EPS8L2: variants seen among roughly 807,000 people sequenced by gnomAD.
EPS8L2 encodes the protein epidermal growth factor receptor kinase substrate 8-like protein 2.
Under a neutral mutation model 99.4 loss-of-function variants are expected in EPS8L2, and 81 were observed. That is an observed-to-expected ratio of 0.82 (90% CI 0.68 to 0.98). The LOEUF (loss-of-function observed/expected upper bound fraction) is 0.98. Ranked by LOEUF, EPS8L2 falls within the 50% of genes least tolerant of loss-of-function variation. EPS8L2 has a pLI of 0.00. For missense variants in EPS8L2, 1,155 were observed against 968.8 expected, an observed-to-expected ratio of 1.19 and a Z score of -2.55; for synonymous variants, 509 against 407.3, an observed-to-expected ratio of 1.25 and a Z score of -3.01.
chr11:708,741 C>G (rs1861799256), intron 1 of EPS8L2: 1 of 152,510 alleles, frequency 6.6e-6, no homozygotes, highest in Non-Finnish European at 1.5e-5. Flanking sequence ...CAAGGGCCAG[C>G]CTCTTTGCTG....
intron 4 of EPS8L2, 124 bp from the exon 5 acceptor site, chr11:719,938 C>T (rs1351227637): frequency 1.1e-6 from 1 of 886,898 alleles, no homozygotes; most frequent in Non-Finnish European, 1.7e-6. Flanking sequence ...GGGGCCGGTC[C>T]CCGTTCTAGC....
In EPS8L2 at chr11:710,510, C is replaced by G. The variant is rs941483903; in HGVS notation, c.165+24C>G. 53 of 1,608,360 alleles carry G rather than the reference C, an allele frequency of 3.3e-5. 1 individual carries two copies. The highest frequency in any genetic ancestry group is 4.2e-5 in the Non-Finnish European group (49 of 1,175,282). On this transcript the variant is annotated intron_variant, in intron 4 of 20. Transcript: ENST00000318562. Reference sequence around the variant, plus strand: ...AGGTAAGGCCCCGCCCCCAGGTAGGCTCCGCCCCCAGGGAGCACCCTCAGG... The same window carrying G: ...AGGTAAGGCCCCGCCCCCAGGTAGGGTCCGCCCCCAGGGAGCACCCTCAGG...
At chr11:715,769 C>G (rs1862008449) in intron 4 of EPS8L2, among the ~76,000 whole-genome samples, 1 of 150,420 alleles carries the variant, frequency 6.6e-6, no homozygotes, top group African/African-American at 2.4e-5. Context: ...TACAGGTGCC[C>G]ACCACCACGC....
In EPS8L2 at chr11:715,208, C is replaced by G. The variant is rs58070301; in HGVS notation, c.165+4722C>G. 2.7e-3 allele frequency among the ~76,000 whole-genome samples: 402 copies of G among 151,518 alleles called. 4 individuals are homozygous for G. The highest frequency in any genetic ancestry group is 9.1e-3 in the African/African-American group (373 of 41,108). ...AGTAAGCTGAGATTGCGCCACTGCA[C>G]TCCAGCCTGGGAGACAGAGTGAGAC... On this transcript the variant is annotated intron_variant, in intron 4 of 20. Transcript: ENST00000318562.
At chr11:707,332 C>T (rs1861752624) in intron 1 of EPS8L2, among the ~76,000 whole-genome samples, 2 of 152,204 alleles carry the variant, frequency 1.3e-5, no homozygotes, top group African/African-American at 4.8e-5. Flanking sequence ...CCTCCCCATT[C>T]CAGGGCCCCA....
rs751196772 is a variant in EPS8L2 at position 722,818 on chromosome 11, GCAGCCCC to G, written c.1341+16_1341+22del. On this transcript the variant is annotated intron_variant, in intron 14 of 20. Coordinates refer to ENST00000318562, the MANE Select transcript of EPS8L2 (RefSeq NM_022772.4). Reference sequence around the variant, plus strand: ...CCCCATCGAGGAGGTGAGAGCACCAGCAGCCCCCATCCCTACCCCAGCCCCAACACCC... The same window carrying G: ...CCCCATCGAGGAGGTGAGAGCACCAGCATCCCTACCCCAGCCCCAACACCC... 2.2e-5 allele frequency: 34 copies of G among 1,531,844 alleles called. No homozygotes were observed. The highest frequency in any genetic ancestry group is 2.8e-5 in the Non-Finnish European group (32 of 1,143,114). 94.9% of individuals were successfully genotyped at this position (1,531,844 alleles called of 1,614,324 possible). A position where few individuals can be genotyped will look rare whatever the true frequency, so the allele number is the denominator to read the frequency against.
intron 4 of EPS8L2, among the ~76,000 whole-genome samples, chr11:717,021 G>A (rs1862043152): frequency 6.6e-6 from 1 of 152,130 alleles, no homozygotes. Context: ...CTGTTGCCCA[G>A]GCTGGAATGC....
chr11:721,393 C>T (rs1187174873), intron 9 of EPS8L2, 41 bp downstream of exon 9: 2 of 1,533,752 alleles, frequency 1.3e-6, no homozygotes, highest in Non-Finnish European at 1.8e-6. Context: ...CTCTTCCCCG[C>T]CCCCAGCAGT....
At chr11:711,324 G>C (rs11605277) in intron 4 of EPS8L2, among the ~76,000 whole-genome samples, 1 of 151,004 alleles carries the variant, frequency 6.6e-6, no homozygotes, top group East Asian at 1.9e-4. Flanking sequence ...CTCTCTCTCT[G>C]TCTCTCTCTT....
At chr11:723,975 C>T (rs1283832703) in intron 15 of EPS8L2, among the ~76,000 whole-genome samples, 1 of 152,214 alleles carries the variant, frequency 6.6e-6, no homozygotes, top group Non-Finnish European at 1.5e-5. Context: ...CCTCCCCTCA[C>T]CCACAGTGTC....
At chr11:717,870 G>A (rs1419317193) in intron 4 of EPS8L2, among the ~76,000 whole-genome samples, 2 of 151,998 alleles carry the variant, frequency 1.3e-5, no homozygotes, top group Admixed American at 6.6e-5. Flanking sequence ...TTAGCCGGGC[G>A]TGGTGGCAGG....
Position 725,712 on chromosome 11 carries a change from A to G in EPS8L2, c.1561-16A>G. 1 of 1,313,666 alleles carries G rather than the reference A, an allele frequency of 7.6e-7. No individual in the cohort carries two copies. Among genetic ancestry groups the G allele is most frequent in the Non-Finnish European group, 9.7e-7 (1 of 1,033,396 alleles). 81.4% of individuals were successfully genotyped at this position (1,313,666 alleles called of 1,614,324 possible). On this transcript the variant is annotated splice_polypyrimidine_tract_variant and intron_variant, in intron 16 of 20. Coordinates refer to ENST00000318562, the MANE Select transcript of EPS8L2 (RefSeq NM_022772.4). ...AGAGCCTGGGTGTGGGGAGGGGCTG[A>G]CGGCGCGCCCCGCAGGTGCTGGAGG...
rs1010100876 is a variant in EPS8L2, at chr11:709,231, C to G, written c.-78-99C>G. On this transcript the variant is annotated intron_variant, in intron 1 of 20. Coordinates refer to ENST00000318562, the MANE Select transcript of EPS8L2 (RefSeq NM_022772.4). ...CAGGGGCTCTGCCCCCCAAGGGACC[C>G]CCACCCAGGCCAGGCCAGTCAGGGA... 9.3e-6 allele frequency: 7 copies of G among 754,788 alleles called. No homozygotes were observed. In the African/African-American group the frequency reaches 1.2e-4, roughly 13 times the overall value. The allele number at this position is 754,788 out of a possible 1,614,324, so 46.8% of individuals were successfully genotyped here. A position where few individuals can be genotyped will look rare whatever the true frequency, so the allele number is the denominator to read the frequency against.
chr11:721,394 C>G, intron 9 of EPS8L2, 42 bp downstream of exon 9: 1 of 1,534,484 alleles, frequency 6.5e-7, no homozygotes, highest in East Asian at 2.4e-5. Flanking sequence ...TCTTCCCCGC[C>G]CCCAGCAGTG....
Position 709,463 on chromosome 11 carries a change from C to CCCCCAACCCCAAA in EPS8L2, c.44+12_44+13insCCCCAACCCCAAA. 1 of 1,597,766 alleles carries CCCCCAACCCCAAA rather than the reference C, an allele frequency of 6.3e-7. No homozygotes were observed. The highest frequency in any genetic ancestry group is 8.5e-7 in the Non-Finnish European group (1 of 1,172,522). On this transcript the variant is annotated intron_variant, in intron 2 of 20. Transcript: ENST00000318562. ...CCGGGTGCCACCAAGTGAGCCCTCC[C>CCCCCAACCCCAAA]ACCCATCCCGAATACCCCACCCTCA...
chr11:707,578 A>G (rs1434201263), intron 1 of EPS8L2, among the ~76,000 whole-genome samples: 1 of 152,098 alleles, frequency 6.6e-6, no homozygotes, highest in African/African-American at 2.4e-5. Flanking sequence ...CTTCGTCCCC[A>G]CCACCAGTGG....
At chr11:719,948 C>G (rs1038882523) in intron 4 of EPS8L2, 114 bp from the exon 5 acceptor site, 2 of 1,036,090 alleles carry the variant, frequency 1.9e-6, no homozygotes, top group Non-Finnish European at 2.8e-6. Context: ...CCCGTTCTAG[C>G]CCCCTACCCA....
intron 15 of EPS8L2, among the ~76,000 whole-genome samples, chr11:723,933 G>C (rs118059658): frequency 6.6e-6 from 1 of 152,310 alleles, no homozygotes; most frequent in South Asian, 2.1e-4. Context: ...GGGTAAAGAG[G>C]GGCCAGCAAT....
intron 3 of EPS8L2, 75 bp from the exon 4 acceptor site, chr11:710,347 G>C: frequency 7.0e-7 from 1 of 1,425,116 alleles, no homozygotes; most frequent in South Asian, 1.1e-5. Flanking sequence ...ACCTTCCCTT[G>C]TGGGTCCAGT....
Sources: allele counts gnomAD v4.1 joint callset (sites outside exome capture counted in the v4.1 genomes callset), GRCh38; gene constraint gnomAD v4.1.1; transcripts MANE v1.5; gene names NCBI Gene and HGNC (gene_info 2026-07-23, HGNC 2026-07-21).